The following ASXL3 variants were observed in gnomAD, a reference collection of about 807,000 sequenced individuals.
ASXL3 encodes ASXL transcriptional regulator 3, also known as putative Polycomb group protein ASXL3.
Under a neutral mutation model 170.6 loss-of-function variants are expected in ASXL3, and 34 were observed. The observed-to-expected ratio is 0.20, with a 90% CI of 0.15 to 0.27. ASXL3 has a LOEUF of 0.27. Among genes scored for constraint, ASXL3 ranks in the 10% least tolerant of loss-of-function variants. The pLI is 1.00. For synonymous variants in ASXL3, 1,002 were observed against 989.1 expected, an observed-to-expected ratio of 1.01 and a Z score of -0.24; for missense variants, 2,592 against 2,695.3, an observed-to-expected ratio of 0.96 and a Z score of 0.85.
intron 11 of ASXL3, 81 bp from the exon 12 acceptor site, chr18:33,742,807 C>G: frequency 6.8e-7 from 1 of 1,470,664 alleles, no homozygotes; most frequent in Non-Finnish European, 9.0e-7. Context: ...TAGTCTTTTC[C>G]CTTGCATTAT....
At chr18:33,647,974 A>G (rs1435369359) in intron 4 of ASXL3, among the ~76,000 whole-genome samples, 2 of 152,032 alleles carry the variant, frequency 1.3e-5, no homozygotes, top group Non-Finnish European at 1.5e-5. Context: ...AAAGGCATTG[A>G]GGCAGGAGAG....
intron 1 of ASXL3, among the ~76,000 whole-genome samples, chr18:33,586,567 ACTCTTTCCTG>A (rs1248824844): frequency 6.6e-6 from 1 of 151,360 alleles, no homozygotes; most frequent in Admixed American, 6.6e-5. Context: ...ATCACTTTTA[ACTCTTTCCTG>A]CTCACTTGAG....
At chr18:33,583,141 A>G (rs988195797) in intron 1 of ASXL3, among the ~76,000 whole-genome samples, 9 of 152,158 alleles carry the variant, frequency 5.9e-5, no homozygotes, top group Admixed American at 4.6e-4. Context: ...TTTGGGAAAT[A>G]AATATAATTT....
At chr18:33,613,685 A>G (rs1367416939) in intron 2 of ASXL3, among the ~76,000 whole-genome samples, 1 of 152,128 alleles carries the variant, frequency 6.6e-6, no homozygotes, top group African/African-American at 2.4e-5. Context: ...TTGGGAGGCC[A>G]AGGAAAGAGG....
At chr18:33,585,107 C>G (rs932177484) in intron 1 of ASXL3, among the ~76,000 whole-genome samples, 1 of 151,954 alleles carries the variant, frequency 6.6e-6, no homozygotes, top group African/African-American at 2.4e-5. Context: ...CTCACTCTGT[C>G]TTCCTCCTTC....
At chr18:33,638,613 G>A (rs748251332) in intron 2 of ASXL3, among the ~76,000 whole-genome samples, 2 of 152,182 alleles carry the variant, frequency 1.3e-5, no homozygotes, top group Non-Finnish European at 2.9e-5. Context: ...CAGTTCTATG[G>A]AGAGAGAATG....
At chr18:33,612,314 T>C (rs964343711) in intron 2 of ASXL3, among the ~76,000 whole-genome samples, 6 of 152,076 alleles carry the variant, frequency 3.9e-5, no homozygotes, top group Admixed American at 1.3e-4. Flanking sequence ...AAAAACTATG[T>C]TAAATTTCAT....
chr18:33,701,817 T>G (rs1204419933), intron 8 of ASXL3, among the ~76,000 whole-genome samples: 1 of 152,082 alleles, frequency 6.6e-6, no homozygotes, highest in Non-Finnish European at 1.5e-5. Context: ...TTCTTCTCCT[T>G]TTCCTCTCTC....
rs766640644 is a variant in ASXL3, at chr18:33,742,989, G to A, written c.3141G>A (p.Arg1047=). 6.2e-7 allele frequency: 1 copy of A among 1,613,694 alleles called. No homozygotes were observed. Among genetic ancestry groups the A allele is most frequent in the South Asian group, 1.1e-5 (1 of 91,068 alleles). ...ASTSTSVSGG[R]NTGARTLADI... is the part of the protein sequence containing the mutation. ...CTAGCACATCTGTCAGTGGCGGGAG[G>A]AACACAGGAGCCAGGACCCTCGCAG... Residue 1047 remains arginine, a synonymous_variant, in exon 12 of 12, where the codon AGG becomes AGA. Coordinates refer to ENST00000269197, the MANE Select transcript of ASXL3 (RefSeq NM_030632.3).
At chr18:33,671,443 A>G (rs2066340370) in intron 6 of ASXL3, among the ~76,000 whole-genome samples, 1 of 152,164 alleles carries the variant, frequency 6.6e-6, no homozygotes, top group South Asian at 2.1e-4. Flanking sequence ...AGAATGGCAT[A>G]GTATTGTTCA....
intron 1 of ASXL3, among the ~76,000 whole-genome samples, chr18:33,601,785 G>GTGTATATATA (rs376654969): frequency 0.035 from 3,669 of 103,990 alleles, 436 homozygotes; most frequent in African/African-American, 0.12. Flanking sequence ...ATATCTGATT[G>GTGTATATATA]TATATATATA....
intron 8 of ASXL3, among the ~76,000 whole-genome samples, chr18:33,701,256 ATGGTTT>A (rs908203019): frequency 1.3e-5 from 2 of 151,662 alleles, no homozygotes; most frequent in African/African-American, 4.8e-5. Flanking sequence ...CTTTTTCAAG[ATGGTTT>A]TGTCTATTCT....
At chr18:33,596,397 A>T (rs925470711) in intron 1 of ASXL3, among the ~76,000 whole-genome samples, 13 of 152,064 alleles carry the variant, frequency 8.5e-5, no homozygotes, top group African/African-American at 3.1e-4. Context: ...AACTGAATGG[A>T]TTATTGAGGT....
chr18:33,642,566 G>A (rs1162878313), intron 2 of ASXL3, among the ~76,000 whole-genome samples: 1 of 151,974 alleles, frequency 6.6e-6, no homozygotes, highest in Admixed American at 6.6e-5. Context: ...TTTCTTTTGG[G>A]AAAGATTTAT....
intron 8 of ASXL3, among the ~76,000 whole-genome samples, chr18:33,698,245 G>A (rs536487288): frequency 2.0e-5 from 3 of 152,124 alleles, no homozygotes; most frequent in East Asian, 3.9e-4. Context: ...ACACAGCAAC[G>A]TGGTGCCATT....
At chr18:33,676,397 A>G (rs1246434975) in intron 7 of ASXL3, among the ~76,000 whole-genome samples, 1 of 151,916 alleles carries the variant, frequency 6.6e-6, no homozygotes, top group African/African-American at 2.4e-5. Context: ...AACTATGATG[A>G]TATTTCTCTG....
intron 8 of ASXL3, among the ~76,000 whole-genome samples, chr18:33,699,892 TA>T (rs2066840722): frequency 6.6e-6 from 1 of 152,070 alleles, no homozygotes; most frequent in African/African-American, 2.4e-5. Context: ...TTTTTATTTA[TA>T]TTATTGAGTT....
chr18:33,745,316 G>T lies in ASXL3; in HGVS notation c.5468G>T (p.Arg1823Leu), dbSNP rs201071954. The T allele has an allele frequency of 6.2e-6, 10 of 1,613,806 alleles. No individual in the cohort carries two copies. The South Asian group carries it at 1.1e-4, about 18-fold the overall frequency. ...CTGGCACCACTCCAAATGAGAAAGCGAGAAAACCACCCCAAAAAGAGAGTA... is the reference window on the plus strand; with the variant it reads ...CTGGCACCACTCCAAATGAGAAAGCTAGAAAACCACCCCAAAAAGAGAGTA... ...GTLAPLQMRKRENHPKKRVAR... is the reference protein window; with the variant it reads ...GTLAPLQMRKLENHPKKRVAR... Residue 1823 changes from arginine to leucine, a missense_variant, in exon 12 of 12, where the codon CGA becomes CTA. This residue lies in a region of ASXL3 where 2,246 missense variants were observed against 2,219.6 expected (regional missense o/e 1.01). Coordinates refer to ENST00000269197, the MANE Select transcript of ASXL3 (RefSeq NM_030632.3).
chr18:33,671,681 T>C, intron 6 of ASXL3, 66 bp from the exon 7 acceptor site: 2 of 1,411,834 alleles, frequency 1.4e-6, no homozygotes, highest in Middle Eastern at 4.2e-4. Context: ...CCTCAAACAA[T>C]TTTAGATTTT....
Sources: allele counts gnomAD v4.1 joint callset (sites outside exome capture counted in the v4.1 genomes callset), GRCh38; gene constraint gnomAD v4.1.1; regional missense constraint gnomAD v4.1.1; transcripts MANE v1.5; gene names NCBI Gene and HGNC (gene_info 2026-07-23, HGNC 2026-07-21).